Variants in SOX5 observed in about 807,000 individuals in gnomAD.
SOX5 encodes SRY-box transcription factor 5, also known as transcription factor SOX-5.
A neutral mutation model predicts 92.0 loss-of-function variants in SOX5; 9 were observed. That is an observed-to-expected ratio of 0.10 (90% CI 0.06 to 0.17). The LOEUF is 0.17. SOX5 is among the 10% of genes least tolerant of loss of function. SOX5 has a pLI of 1.00. For synonymous variants in SOX5, 344 were observed against 336.3 expected (o/e 1.02, Z -0.25); for missense variants, 642 against 944.5 (o/e 0.68, Z 4.20).
intron 1 of SOX5, among the ~76,000 whole-genome samples, chr12:23,901,108 G>T (rs906726634): frequency 6.6e-6 from 1 of 152,142 alleles, no homozygotes; most frequent in Non-Finnish European, 1.5e-5. Context: ...AGATTATTCT[G>T]AATATTGTTG....
At position 24,126,259 on chromosome 12, in the gene SOX5, A is replaced by G. The variant is rs371241367; in HGVS notation, c.-2+87084T>C. On this transcript the variant is annotated intron_variant, in intron 4 of 4. Transcript: ENST00000446891. ...AATCTATATTTCTCCCTGTATCCTTATAGCATGTCCCAACGCCCACTTAAT... is the reference window on the plus strand; with the variant it reads ...AATCTATATTTCTCCCTGTATCCTTGTAGCATGTCCCAACGCCCACTTAAT... Among the ~76,000 whole-genome samples, 18 of 152,246 alleles carry G rather than the reference A, an allele frequency of 1.2e-4. No homozygotes were observed. In the South Asian group the frequency reaches 3.5e-3, roughly 30 times the overall value.
At chr12:23,851,974 T>A (rs1595052512) in intron 2 of SOX5, among the ~76,000 whole-genome samples, 1 of 152,210 alleles carries the variant, frequency 6.6e-6, no homozygotes, top group East Asian at 1.9e-4. Context: ...AGCGGCTAGG[T>A]TGGTATGTAG....
intron 12 of SOX5, among the ~76,000 whole-genome samples, chr12:23,543,745 T>C (rs1942581854): frequency 1.3e-5 from 2 of 152,144 alleles, no homozygotes; most frequent in South Asian, 4.1e-4. Context: ...AAACATTAAA[T>C]AGGTAAAGAA....
At chr12:23,924,076 A>T (rs1939256378) in intron 1 of SOX5, among the ~76,000 whole-genome samples, 1 of 152,214 alleles carries the variant, frequency 6.6e-6, no homozygotes, top group Non-Finnish European at 1.5e-5. Flanking sequence ...ATGTTGCCTA[A>T]AAAAGGCTTT....
At chr12:23,700,173 T>C (rs960026295) in intron 6 of SOX5, among the ~76,000 whole-genome samples, 42 of 152,136 alleles carry the variant, frequency 2.8e-4, no homozygotes, top group African/African-American at 9.7e-4. Flanking sequence ...ACAAATTTAA[T>C]ACGAGTGGAA....
intron 1 of SOX5, among the ~76,000 whole-genome samples, chr12:24,467,205 T>C (rs969891475): frequency 1.3e-5 from 2 of 152,234 alleles, no homozygotes; most frequent in African/African-American, 4.8e-5. Flanking sequence ...ATTCATTTAT[T>C]TGCTCATTCA....
At chr12:24,250,538 T>C (rs563734490) in intron 3 of SOX5, among the ~76,000 whole-genome samples, 90 of 152,352 alleles carry the variant, frequency 5.9e-4, no homozygotes, top group African/African-American at 2.1e-3. Flanking sequence ...GGTTCAGCCA[T>C]TGTAGGATTT....
chr12:24,480,070 C>T (rs749279579), intron 1 of SOX5, among the ~76,000 whole-genome samples: 13 of 152,092 alleles, frequency 8.5e-5, no homozygotes, highest in Non-Finnish European at 1.6e-4. Flanking sequence ...GTTAGGTAAT[C>T]GAATGGAACA....
chr12:24,503,627 A>C (rs1461722938), intron 1 of SOX5, among the ~76,000 whole-genome samples: 2 of 152,224 alleles, frequency 1.3e-5, no homozygotes, highest in African/African-American at 4.8e-5. Context: ...CATATACACC[A>C]GGGAATACTA....
chr12:24,023,402 A>G (rs938112552), intron 4 of SOX5, among the ~76,000 whole-genome samples: 6 of 152,282 alleles, frequency 3.9e-5, no homozygotes, highest in Non-Finnish European at 7.4e-5. Flanking sequence ...TTTGAAACCC[A>G]GAGAAGCTGT....
intron 4 of SOX5, among the ~76,000 whole-genome samples, chr12:24,144,939 C>T (rs1055552310): frequency 1.3e-5 from 2 of 151,852 alleles, no homozygotes; most frequent in Non-Finnish European, 2.9e-5. Flanking sequence ...AAAAAAACTA[C>T]AAAAAATTAG....
chr12:23,707,853 C>T lies in SOX5; in HGVS notation c.810+26831G>A, dbSNP rs867954635. Reference sequence around the variant, plus strand: ...CTGAAAATGTGGCTGATTGTAAAGACTCCTGATTTGATTAAAACATTATTT... The same window carrying T: ...CTGAAAATGTGGCTGATTGTAAAGATTCCTGATTTGATTAAAACATTATTT... On this transcript the variant is annotated intron_variant, in intron 6 of 14. Coordinates refer to ENST00000451604, the MANE Select transcript of SOX5 (RefSeq NM_006940.6). 2.6e-5 allele frequency among the ~76,000 whole-genome samples: 4 copies of T among 152,134 alleles called. No homozygotes were observed. The South Asian group carries it at 8.3e-4, about 32-fold the overall frequency.
chr12:23,881,891 A>C lies in SOX5; in HGVS notation c.270+13902T>G, dbSNP rs113363565. 3.7e-3 allele frequency among the ~76,000 whole-genome samples: 563 copies of C among 152,328 alleles called. 2 individuals are homozygous for C. Among genetic ancestry groups the C allele is most frequent in the African/African-American group, 0.013 (536 of 41,578 alleles). On this transcript the variant is annotated intron_variant, in intron 2 of 14. Coordinates refer to ENST00000451604, the MANE Select transcript of SOX5 (RefSeq NM_006940.6). ...GAAAAAGGGGGGGAAACATGTGTCTATCTATGTAAAACAAAAATAATTAAA... is the reference window on the plus strand; with the variant it reads ...GAAAAAGGGGGGGAAACATGTGTCTCTCTATGTAAAACAAAAATAATTAAA...
chr12:24,256,601 T>C (rs1463385936), intron 3 of SOX5, among the ~76,000 whole-genome samples: 1 of 145,350 alleles, frequency 6.9e-6, no homozygotes, highest in Non-Finnish European at 1.5e-5. Context: ...TTTCACCAAA[T>C]TGGAAGAGTT....
intron 3 of SOX5, among the ~76,000 whole-genome samples, chr12:23,797,648 A>G (rs1013809464): frequency 6.6e-6 from 1 of 152,074 alleles, no homozygotes; most frequent in African/African-American, 2.4e-5. Context: ...TAATTCCTGA[A>G]GCCCCTAAAA....
intron 1 of SOX5, among the ~76,000 whole-genome samples, chr12:23,931,685 C>T (rs1179888206): frequency 1.3e-5 from 2 of 151,536 alleles, no homozygotes; most frequent in Non-Finnish European, 3.0e-5. Context: ...AAGATTATTT[C>T]TGATTTTCAA....
chr12:24,078,931 GGTT>G (rs1283688336), intron 4 of SOX5, among the ~76,000 whole-genome samples: 3 of 152,004 alleles, frequency 2.0e-5, no homozygotes, highest in Non-Finnish European at 2.9e-5. Flanking sequence ...ATAGAAATAT[GGTT>G]ATTATGACTT....
At chr12:24,240,232 A>G (rs1194393084) in intron 3 of SOX5, among the ~76,000 whole-genome samples, 1 of 152,232 alleles carries the variant, frequency 6.6e-6, no homozygotes, top group African/African-American at 2.4e-5. Flanking sequence ...ACCAGATTAC[A>G]GTTATTTAAT....
At chr12:23,755,987 T>C (rs200885082) in intron 3 of SOX5, among the ~76,000 whole-genome samples, 1 of 151,908 alleles carries the variant, frequency 6.6e-6, no homozygotes, top group East Asian at 1.9e-4. Context: ...TGCGGTTCAT[T>C]GTTTTTCAAT....
Sources: gnomAD v4.1 joint callset for allele counts (sites outside exome capture counted in the v4.1 genomes callset) on GRCh38, gnomAD v4.1.1 for gene constraint, MANE v1.5 for transcripts, NCBI Gene and HGNC (gene_info 2026-07-23, HGNC 2026-07-21) for gene names.